Variants in WASHC4 observed in about 807,000 individuals in gnomAD.
The protein encoded by WASHC4 is WASH complex subunit 7.
WASHC4 carries 86 observed loss-of-function variants against 166.6 expected under a neutral mutation model. The ratio of observed to expected loss-of-function variants is 0.52; its 90% confidence interval spans 0.43 to 0.62. The LOEUF is 0.62. Among genes scored for constraint, WASHC4 ranks in the 20% least tolerant of loss-of-function variants. WASHC4 has a pLI of 0.00. For synonymous variants in WASHC4, 446 were observed against 451.6 expected (o/e 0.99, Z 0.16); for missense variants, 1,262 against 1,382.4 (o/e 0.91, Z 1.38).
chr12:105,134,295 C>T (rs1882117199), intron 14 of WASHC4, among the ~76,000 whole-genome samples: 1 of 151,926 alleles, frequency 6.6e-6, no homozygotes, highest in African/African-American at 2.4e-5. Flanking sequence ...GCTTTATGGC[C>T]TAGCCCATGG....
At chr12:105,144,256 AAAATT>A in intron 20 of WASHC4, 26 bp from the exon 21 acceptor site, 1 of 1,579,756 alleles carries the variant, frequency 6.3e-7, no homozygotes, top group Non-Finnish European at 8.7e-7. Flanking sequence ...ATCATTTTGA[AAAATT>A]AAAGTATCAA....
rs541220062 is a variant in WASHC4, at chr12:105,123,577, A to G, written c.786+1339A>G. ...AACTCTCTTTAATTCTCTGAAGGCT[A>G]AGAGAGGTGGGGAAGCTGTAGAAGA... On this transcript the variant is annotated intron_variant, in intron 10 of 32. Transcript: ENST00000332180. Among the ~76,000 whole-genome samples the G allele has an allele frequency of 2.6e-5, 4 of 152,324 alleles. No individual in the cohort carries two copies. The South Asian group carries it at 6.2e-4, about 24-fold the overall frequency.
At chr12:105,160,647 T>C (rs1235793197) in intron 29 of WASHC4, among the ~76,000 whole-genome samples, 1 of 152,232 alleles carries the variant, frequency 6.6e-6, no homozygotes, top group Non-Finnish European at 1.5e-5. Context: ...CCACCACGTA[T>C]GGCCTAAGAT....
intron 12 of WASHC4, 53 bp downstream of exon 12, chr12:105,126,415 T>G: frequency 7.6e-7 from 1 of 1,321,362 alleles, no homozygotes; most frequent in Non-Finnish European, 1.1e-6. Flanking sequence ...AGATTGCAGA[T>G]AAAACTAAAT....
chr12:105,126,379 T>C lies in WASHC4; in HGVS notation c.1038+17T>C. On this transcript the variant is annotated intron_variant, in intron 12 of 32. Transcript: ENST00000332180. ...TGTAAGAAGGTAAGAACTTGAAACTTATTTTTCAATTTGAGCAGATTAAAA... is the reference window on the plus strand; with the variant it reads ...TGTAAGAAGGTAAGAACTTGAAACTCATTTTTCAATTTGAGCAGATTAAAA... The C allele has an allele frequency of 6.5e-7, 1 of 1,531,840 alleles. No homozygotes were observed. The highest frequency in any genetic ancestry group is 9.0e-7 in the Non-Finnish European group (1 of 1,111,780). The allele number at this position is 1,531,840 out of a possible 1,614,324, so 94.9% of individuals were successfully genotyped here. A position where few individuals can be genotyped will look rare whatever the true frequency, so the allele number is the denominator to read the frequency against.
chr12:105,165,413 A>T (rs1193947247), intron 32 of WASHC4, among the ~76,000 whole-genome samples: 2 of 152,226 alleles, frequency 1.3e-5, no homozygotes, highest in Non-Finnish European at 2.9e-5. Flanking sequence ...AGGAATAATC[A>T]TCTTCTCTGA....
At chr12:105,121,823 T>C (rs1298202872) in intron 9 of WASHC4, among the ~76,000 whole-genome samples, 1 of 152,160 alleles carries the variant, frequency 6.6e-6, no homozygotes, top group East Asian at 1.9e-4. Flanking sequence ...TTTTCTTTCC[T>C]GAGCTTGGTT....
Position 105,140,975 on chromosome 12 carries a change from C to A in WASHC4, c.1637C>A (p.Thr546Asn). The change falls in exon 17 of 33, where the codon ACT becomes AAT. Residue 546 changes from threonine (T) to asparagine (N), a missense_variant. Physicochemically the swap from Thr to Asn is moderately conservative, Grantham distance 65. Transcript: ENST00000332180. ...TCTGCTCTAGTTTTGGCTGAAAACA[C>A]TCTAAATGGACCAAGCACAAAGCAA... ...VLSALVLAEN[T>N]LNGPSTKQRR... 1 of 1,614,138 alleles carries A rather than the reference C, an allele frequency of 6.2e-7. No individual in the cohort carries two copies.
intron 15 of WASHC4, 122 bp downstream of exon 15, chr12:105,138,133 TTC>T: frequency 1.1e-6 from 1 of 922,802 alleles, no homozygotes; most frequent in Non-Finnish European, 1.6e-6. Context: ...GAGAAAGTAC[TTC>T]TCTCTCAATT....
chr12:105,112,037 TAATC>T (rs1289347336), intron 2 of WASHC4, among the ~76,000 whole-genome samples: 2 of 152,176 alleles, frequency 1.3e-5, no homozygotes, highest in Admixed American at 1.3e-4. Context: ...TACCGTGTGA[TAATC>T]AACCCCCAGT....
Position 105,115,217 on chromosome 12 carries a change from T to C in WASHC4, c.355T>C (p.Tyr119His). The C allele has an allele frequency of 1.3e-6, 2 of 1,559,818 alleles. No individual in the cohort carries two copies. The highest frequency in any genetic ancestry group is 2.2e-5 in the South Asian group (2 of 89,578). ...ETKFYNGLLF[Y>H]GEGATDASMV... is the part of the protein sequence containing the mutation. ...TAAATTTTACAATGGTCTCTTGTTTTATGGAGAAGGAGGTAAGTTTAAAAT... is the reference window on the plus strand; with the variant it reads ...TAAATTTTACAATGGTCTCTTGTTTCATGGAGAAGGAGGTAAGTTTAAAAT... Residue 119 changes from tyrosine (Y) to histidine (H), a missense_variant, in exon 5 of 33, where the codon TAT (tyrosine) becomes CAT (histidine). By Grantham distance (83) the Tyr-to-His change is moderately conservative. Transcript: ENST00000332180.
At chr12:105,148,295 A>T in intron 24 of WASHC4, 4 of 985,426 alleles carry the variant, frequency 4.1e-6, no homozygotes, top group Non-Finnish European at 4.8e-6. Context: ...ACCTTTGAGG[A>T]TAAATAAAAC....
chr12:105,164,775 A>G (rs1280771357), intron 32 of WASHC4, 35 bp downstream of exon 32: 1 of 1,417,982 alleles, frequency 7.1e-7, no homozygotes, highest in African/African-American at 1.4e-5. Context: ...AAGACCAATA[A>G]ATGTCTTTAG....
chr12:105,166,226 A>G (rs1884796801), intron 32 of WASHC4, among the ~76,000 whole-genome samples: 1 of 152,174 alleles, frequency 6.6e-6, no homozygotes, highest in African/African-American at 2.4e-5. Context: ...GATTGCTCAG[A>G]GATATAGTCA....
In WASHC4 at chr12:105,126,065, C is replaced by CT; in HGVS notation, c.852dup (p.Ala285CysfsTer2). On this transcript the variant is annotated frameshift_variant, in exon 11 of 33. Transcript: ENST00000332180. LOFTEE classifies it high-confidence loss of function. ...GGAGTATCTGTGTCAAAAAATAGTA[C>CT]TTTTGCTGAGGAATTTGCACATAGT... The CT allele has an allele frequency of 1.2e-6, 2 of 1,612,768 alleles. No homozygotes were observed. Among genetic ancestry groups the CT allele is most frequent in the Non-Finnish European group, 1.7e-6 (2 of 1,179,214 alleles).
chr12:105,165,654 A>C lies in WASHC4; in HGVS notation c.3454+914A>C, dbSNP rs554258344. On this transcript the variant is annotated intron_variant, in intron 32 of 32. Transcript: ENST00000332180. ...TATTTTATGTTAATTTTTAAAATAC[A>C]CCTTTTTTCTTTATATAGAGTAGAG... is the stretch of plus-strand genomic sequence containing the variant. 1.2e-4 allele frequency among the ~76,000 whole-genome samples: 18 copies of C among 152,236 alleles called. No homozygotes were observed. In the East Asian group the frequency reaches 3.1e-3, roughly 26 times the overall value.
chr12:105,164,311 G>C lies in WASHC4; in HGVS notation c.3354+4G>C, dbSNP rs373651225. ...GCGACTGGATGTCTATCTACAGGTA[G>C]AGAGGAGCCTAAGAGTCACATCTGC... is the stretch of plus-strand genomic sequence containing the variant. On this transcript the variant is annotated splice_donor_region_variant and intron_variant, in intron 31 of 32. Coordinates refer to ENST00000332180, the MANE Select transcript of WASHC4 (RefSeq NM_015275.3). 3.1e-6 allele frequency: 5 copies of C among 1,612,082 alleles called. No individual in the cohort carries two copies. The highest frequency in any genetic ancestry group is 2.7e-5 in the African/African-American group (2 of 74,904).
chr12:105,150,912 C>G (rs545850608), intron 25 of WASHC4, among the ~76,000 whole-genome samples: 1 of 152,178 alleles, frequency 6.6e-6, no homozygotes, highest in South Asian at 2.1e-4. Context: ...AACTCACTAT[C>G]ATGAGAACAG....
At chr12:105,126,668 A>G (rs1446353501) in intron 12 of WASHC4, among the ~76,000 whole-genome samples, 1 of 152,040 alleles carries the variant, frequency 6.6e-6, no homozygotes, top group Non-Finnish European at 1.5e-5. Context: ...AGATGAAGAA[A>G]TTTAAAATAT....
Sources: allele counts gnomAD v4.1 joint callset (sites outside exome capture counted in the v4.1 genomes callset), GRCh38; gene constraint gnomAD v4.1.1; transcripts MANE v1.5; gene names NCBI Gene and HGNC (gene_info 2026-07-23, HGNC 2026-07-21).